Variants in JMJD1C observed in about 807,000 individuals in gnomAD.
The protein encoded by JMJD1C is jumonji domain-containing protein 1C.
Under a neutral mutation model 245.3 loss-of-function variants are expected in JMJD1C, and 31 were observed. That is an observed-to-expected ratio of 0.13 (90% confidence interval 0.09 to 0.17). JMJD1C has a LOEUF of 0.17. Among genes scored for constraint, JMJD1C ranks in the 10% least tolerant of loss-of-function variants. JMJD1C has a pLI of 1.00. For missense variants in JMJD1C, 2,691 were observed against 3,000.2 expected (o/e 0.90, Z 2.41); for synonymous variants, 1,057 against 1,017.4 (o/e 1.04, Z -0.74).
intron 1 of JMJD1C, among the ~76,000 whole-genome samples, chr10:63,458,734 T>TATTTA (rs1156272734): frequency 6.7e-5 from 10 of 149,434 alleles, no homozygotes; most frequent in East Asian, 4.0e-4. Context: ...TTTATTTATT[T>TATTTA]TTTTTTTGAG....
chr10:63,288,990 ACTTT>A (rs1206512161), intron 2 of JMJD1C, among the ~76,000 whole-genome samples: 1 of 151,378 alleles, frequency 6.6e-6, no homozygotes, highest in East Asian at 1.9e-4. Flanking sequence ...TTTTACAAAG[ACTTT>A]CTTTACGTTT....
intron 3 of JMJD1C, among the ~76,000 whole-genome samples, chr10:63,221,506 T>A (rs537539801): frequency 1.3e-5 from 2 of 152,226 alleles, no homozygotes; most frequent in East Asian, 1.9e-4. Context: ...AATGAAAAAC[T>A]GTCATACAAA....
intron 1 of JMJD1C, chr10:63,427,769 C>T: frequency 1.5e-6 from 2 of 1,353,758 alleles, no homozygotes; most frequent in Non-Finnish European, 2.1e-6. Flanking sequence ...GTGACCAAGA[C>T]TATGAAGGGT....
intron 1 of JMJD1C, among the ~76,000 whole-genome samples, chr10:63,514,647 G>A (rs1301504794): frequency 6.6e-6 from 1 of 151,958 alleles, no homozygotes; most frequent in Non-Finnish European, 1.5e-5. Flanking sequence ...GGAGGGGGTG[G>A]AAGGGATGAA....
In JMJD1C at chr10:63,189,411, A is replaced by T. The variant is rs531453499; in HGVS notation, c.6327T>A (p.Leu2109=). ...CAACAACTGAAGCAATTATGTCATC[A>T]AGAATGTTAGGCATAGTCCGTCCAC... ...SKSGRTMPNI[L]DDIIASVVEN... Residue 2109 remains leucine, a synonymous_variant, in exon 18 of 26, where the codon CTT becomes CTA. Coordinates refer to ENST00000399262, the MANE Select transcript of JMJD1C (RefSeq NM_032776.3). 2.5e-6 allele frequency: 4 copies of T among 1,613,676 alleles called. No individual in the cohort carries two copies. In the South Asian group the frequency reaches 4.4e-5, roughly 18 times the overall value.
intron 1 of JMJD1C, among the ~76,000 whole-genome samples, chr10:63,392,275 A>G (rs1268679665): frequency 1.3e-5 from 2 of 152,190 alleles, no homozygotes; most frequent in Non-Finnish European, 2.9e-5. Flanking sequence ...ACTAGAAGAA[A>G]ACAAAGGGAG....
At chr10:63,430,201 A>C (rs1173483314) in intron 1 of JMJD1C, among the ~76,000 whole-genome samples, 1 of 152,244 alleles carries the variant, frequency 6.6e-6, no homozygotes, top group East Asian at 1.9e-4. Context: ...CTCAAAACAA[A>C]TCAGAGACCA....
chr10:63,240,414 G>A (rs928545152), intron 3 of JMJD1C, among the ~76,000 whole-genome samples: 1 of 152,184 alleles, frequency 6.6e-6, no homozygotes, highest in Admixed American at 6.5e-5. Flanking sequence ...CAAAAGGACA[G>A]TGATCCAGTG....
chr10:63,361,842 T>C (rs1945378840), intron 2 of JMJD1C, among the ~76,000 whole-genome samples: 1 of 152,116 alleles, frequency 6.6e-6, no homozygotes, highest in South Asian at 2.1e-4. Flanking sequence ...AATCTACTTT[T>C]AAATGTACTT....
At chr10:63,378,495 G>C (rs1946952843) in intron 2 of JMJD1C, among the ~76,000 whole-genome samples, 1 of 152,094 alleles carries the variant, frequency 6.6e-6, no homozygotes, top group African/African-American at 2.4e-5. Context: ...CGGAGGCTGA[G>C]GCAGGAGAAC....
intron 1 of JMJD1C, among the ~76,000 whole-genome samples, chr10:63,473,404 C>T (rs188535611): frequency 3.7e-4 from 56 of 152,050 alleles, no homozygotes; most frequent in African/African-American, 1.3e-3. Flanking sequence ...CAGCACCACA[C>T]CTGGCTAATT....
chr10:63,441,609 C>T (rs1277148074), intron 1 of JMJD1C, among the ~76,000 whole-genome samples: 1 of 152,156 alleles, frequency 6.6e-6, no homozygotes, highest in African/African-American at 2.4e-5. Flanking sequence ...AGTTCCTCAA[C>T]TTTACTTAAC....
Position 63,281,458 on chromosome 10 carries a change from C to CTT in JMJD1C, c.334-16696_334-16695dup, listed in dbSNP as rs71025144. Among the ~76,000 whole-genome samples, 90 of 65,384 alleles carry CTT rather than the reference C, an allele frequency of 1.4e-3. 15 individuals carry two copies. Among genetic ancestry groups the CTT allele is most frequent in the African/African-American group, 3.2e-3 (45 of 14,204 alleles). The allele number at this position is 65,384 out of a possible 152,430, so 42.9% of individuals were successfully genotyped here. Reference sequence around the variant, plus strand: ...ACAGGCGTGAGCCACTGCGCCTGGCCTTTTTTTTTTTTTTTTTTTTTTTTT... The same window carrying CTT: ...ACAGGCGTGAGCCACTGCGCCTGGCCTTTTTTTTTTTTTTTTTTTTTTTTTTT... On this transcript the variant is annotated intron_variant, in intron 2 of 25. Coordinates refer to ENST00000399262, the MANE Select transcript of JMJD1C (RefSeq NM_032776.3).
intron 1 of JMJD1C, chr10:63,427,511 C>A: frequency 3.0e-6 from 4 of 1,331,100 alleles, no homozygotes; most frequent in East Asian, 2.4e-5. Flanking sequence ...CTGTTTCCTG[C>A]CAATGTTCTT....
At chr10:63,227,442 A>G (rs954478443) in intron 3 of JMJD1C, among the ~76,000 whole-genome samples, 1 of 152,238 alleles carries the variant, frequency 6.6e-6, no homozygotes, top group Admixed American at 6.5e-5. Context: ...AGATTTGCTC[A>G]AAAGTCTCAA....
chr10:63,477,542 C>A (rs1953701184), intron 1 of JMJD1C, among the ~76,000 whole-genome samples: 2 of 114,760 alleles, frequency 1.7e-5, no homozygotes, highest in African/African-American at 3.3e-5. Flanking sequence ...AACAATTTGT[C>A]ATCCATATGT....
chr10:63,222,834 G>C, intron 3 of JMJD1C: 1 of 1,436,262 alleles, frequency 7.0e-7, no homozygotes, highest in Non-Finnish European at 9.8e-7. Context: ...CCTTGGTGTG[G>C]AGTCAAAAGT....
chr10:63,412,827 G>A (rs1221456921), intron 1 of JMJD1C, among the ~76,000 whole-genome samples: 1 of 151,904 alleles, frequency 6.6e-6, no homozygotes, highest in Non-Finnish European at 1.5e-5. Flanking sequence ...TAGGCTACAT[G>A]GTTCATCTAT....
chr10:63,184,727 A>T lies in JMJD1C; in HGVS notation c.6842T>A (p.Leu2281His). The change falls in exon 21 of 26, where the codon CTT (leucine) becomes CAT (histidine). Residue 2281 changes from leucine to histidine, a missense_variant. Leu to His is a moderately conservative substitution (Grantham distance 99). This residue lies in a region of JMJD1C where 232 missense variants were observed against 416.1 expected (regional missense o/e 0.56). Transcript: ENST00000399262. The stretch of plus-strand genomic sequence containing the variant: ...TTCTGGCAATGGCAGACTTTTTAAA[A>T]GATCTTCGTATCTGAAGAAAAACAA... Reference protein sequence around the residue: ...KTMMPARYEDLLKSLPLPEYC... With the variant: ...KTMMPARYEDHLKSLPLPEYC... The T allele has an allele frequency of 1.9e-6, 3 of 1,607,644 alleles. No homozygotes were observed. The highest frequency in any genetic ancestry group is 2.5e-6 in the Non-Finnish European group (3 of 1,177,924).
Sources: allele counts gnomAD v4.1 joint callset (sites outside exome capture counted in the v4.1 genomes callset), GRCh38; gene constraint gnomAD v4.1.1; regional missense constraint gnomAD v4.1.1; transcripts MANE v1.5; gene names NCBI Gene and HGNC (gene_info 2026-07-23, HGNC 2026-07-21).